The following PIK3R6 variants were observed in gnomAD, a reference collection of about 807,000 sequenced individuals.
The protein encoded by PIK3R6 is phosphoinositide-3-kinase regulatory subunit 6.
PIK3R6 carries 91 observed loss-of-function variants against 84.9 expected under a neutral mutation model. The observed-to-expected ratio is 1.07, with a 90% CI of 0.90 to 1.28. PIK3R6 has a LOEUF of 1.28. Ranked by LOEUF, PIK3R6 falls within the 50% of genes most tolerant of loss-of-function variation. The probability of loss-of-function intolerance (pLI) is 0.00; values close to 1 mark genes in which losing one functional copy is unlikely to be tolerated. For synonymous variants in PIK3R6, 416 were observed against 411.4 expected (o/e 1.01, Z -0.13); for missense variants, 996 against 985.1 (o/e 1.01, Z -0.15).
In PIK3R6 at chr17:8,823,582, C is replaced by G. The variant is rs192530188; in HGVS notation, c.1516-85G>C. Reference sequence around the variant, plus strand: ...ATTTTCTTCAGAGAGAAACTTCAAGCCCCTACATCTCTGGGATGCACTAAC... The same window carrying G: ...ATTTTCTTCAGAGAGAAACTTCAAGGCCCTACATCTCTGGGATGCACTAAC... On this transcript the variant is annotated intron_variant, in intron 13 of 19. Coordinates refer to ENST00000619866, the MANE Select transcript of PIK3R6 (RefSeq NM_001010855.4). The G allele has an allele frequency of 6.4e-4, 589 of 915,728 alleles. 2 individuals are homozygous for G. In the African/African-American group the frequency reaches 8.7e-3, roughly 13 times the overall value. 56.7% of individuals were successfully genotyped at this position (915,728 alleles called of 1,614,324 possible). A position where few individuals can be genotyped will look rare whatever the true frequency, so the allele number is the denominator to read the frequency against.
intron 9 of PIK3R6, among the ~76,000 whole-genome samples, chr17:8,831,328 TAAAA>T (rs60650147): frequency 1.8e-4 from 6 of 33,076 alleles, no homozygotes; most frequent in South Asian, 1.9e-3. Context: ...AGACCCTGTC[TAAAA>T]AAAAAAAAAA....
chr17:8,826,717 C>G (rs112368842), intron 13 of PIK3R6, among the ~76,000 whole-genome samples: 3,526 of 152,096 alleles, frequency 0.023, 152 homozygotes, highest in African/African-American at 0.081. Context: ...ATGGGTGCAG[C>G]AAACCACCAT....
At chr17:8,864,798 A>G (rs1005381097) in intron 1 of PIK3R6, among the ~76,000 whole-genome samples, 2 of 152,014 alleles carry the variant, frequency 1.3e-5, no homozygotes, top group African/African-American at 4.8e-5. Context: ...CGGCCTCCCA[A>G]AGTGCTGGGA....
At chr17:8,856,671 CCT>C (rs2089149209) in intron 1 of PIK3R6, among the ~76,000 whole-genome samples, 1 of 152,176 alleles carries the variant, frequency 6.6e-6, no homozygotes, top group Non-Finnish European at 1.5e-5. Context: ...CCCAGTTTCA[CCT>C]GTACTTGTGT....
At position 8,822,596 on chromosome 17, in the gene PIK3R6, G is replaced by A. The variant is rs1431953341; in HGVS notation, c.1779C>T (p.Cys593=). 9.3e-6 allele frequency: 15 copies of A among 1,614,006 alleles called. No individual in the cohort carries two copies. The highest frequency in any genetic ancestry group is 1.2e-5 in the Non-Finnish European group (14 of 1,179,872). The part of the protein sequence containing the change: ...AEGPGAELSL[C]YQKALLSHRP... The stretch of plus-strand genomic sequence containing the variant: ...GTCCATGCACACTGACCTTCTGGTA[G>A]CATAGGGAGAGCTCTGCCCCTGGGC... The change falls in exon 16 of 20, where the codon TGC becomes TGT. Residue 593 remains cysteine, a synonymous_variant. Transcript: ENST00000619866.
chr17:8,815,813 G>A (rs772820427), intron 18 of PIK3R6, among the ~76,000 whole-genome samples: 4 of 152,184 alleles, frequency 2.6e-5, no homozygotes, highest in African/African-American at 4.8e-5. Flanking sequence ...AAAAAAGCCC[G>A]TCTGCTTTGG....
chr17:8,804,191 G>C, intron 18 of PIK3R6, 38 bp from the exon 19 acceptor site: 1 of 1,555,624 alleles, frequency 6.4e-7, no homozygotes, highest in Non-Finnish European at 8.9e-7. Context: ...TGTTGCCTTT[G>C]CTCGACAGGT....
At chr17:8,833,155 C>T (rs1325976916) in intron 8 of PIK3R6, 110 bp from the exon 9 acceptor site, 5 of 1,382,290 alleles carry the variant, frequency 3.6e-6, no homozygotes, top group Non-Finnish European at 4.8e-6. Flanking sequence ...CTCTCCGCTG[C>T]CCCTGGGGGC....
intron 9 of PIK3R6, among the ~76,000 whole-genome samples, 177 bp from the exon 10 acceptor site, chr17:8,829,969 C>T (rs191710501): frequency 8.5e-5 from 13 of 152,346 alleles, no homozygotes; most frequent in African/African-American, 3.1e-4. Context: ...CCCAACAGTG[C>T]AGCTGTCCCC....
intron 10 of PIK3R6, among the ~76,000 whole-genome samples, chr17:8,829,373 GAT>G (rs1232180838): frequency 3.0e-5 from 4 of 135,088 alleles, no homozygotes; most frequent in Non-Finnish European, 4.6e-5. Context: ...CACATGCATG[GAT>G]ACACACACTG....
At chr17:8,832,564 T>TTTTTTTA (rs2088283089) in intron 9 of PIK3R6, among the ~76,000 whole-genome samples, 1 of 150,366 alleles carries the variant, frequency 6.7e-6, no homozygotes. Flanking sequence ...TTTTTTTTTT[T>TTTTTTTA]GAGACTAAAC....
At chr17:8,864,650 G>A (rs992786040) in intron 1 of PIK3R6, among the ~76,000 whole-genome samples, 4 of 144,436 alleles carry the variant, frequency 2.8e-5, no homozygotes, top group African/African-American at 1.0e-4. Context: ...TGATTCTCCA[G>A]CCTCAGCCTC....
chr17:8,822,093 T>C (rs2087754835), intron 16 of PIK3R6, among the ~76,000 whole-genome samples, 157 bp from the exon 17 acceptor site: 1 of 150,974 alleles, frequency 6.6e-6, no homozygotes, highest in Admixed American at 6.6e-5. Flanking sequence ...TTTCACTATG[T>C]TGCCCAGGCT....
intron 10 of PIK3R6, 33 bp downstream of exon 10, chr17:8,829,673 C>A (rs1340160132): frequency 6.5e-7 from 1 of 1,536,650 alleles, no homozygotes; most frequent in Non-Finnish European, 8.8e-7. Context: ...CAGACATATA[C>A]CACTGTTTCC....
intron 12 of PIK3R6, 114 bp downstream of exon 12, chr17:8,827,998 G>T: frequency 9.0e-7 from 1 of 1,108,426 alleles, no homozygotes; most frequent in Non-Finnish European, 1.3e-6. Flanking sequence ...CACATTCTAA[G>T]GATGCTTACT....
chr17:8,831,145 C>CAAAAAA (rs35954175), intron 9 of PIK3R6, among the ~76,000 whole-genome samples: 2 of 42,012 alleles, frequency 4.8e-5, no homozygotes, highest in Non-Finnish European at 8.4e-5. Context: ...GATTGTGTCT[C>CAAAAAA]AAAAAAAAAA....
chr17:8,836,449 A>G, intron 7 of PIK3R6, 98 bp downstream of exon 7: 1 of 1,334,084 alleles, frequency 7.5e-7, no homozygotes, highest in Non-Finnish European at 1.1e-6. Context: ...GGCTCTTCTT[A>G]ATCCAGCCTC....
In PIK3R6 at chr17:8,821,896, A is replaced by G; in HGVS notation, c.1829T>C (p.Leu610Pro). 6.3e-7 allele frequency: 1 copy of G among 1,595,674 alleles called. No homozygotes were observed. The highest frequency in any genetic ancestry group is 1.1e-5 in the South Asian group (1 of 87,758). The change falls in exon 17 of 20, where the codon CTG becomes CCG. Residue 610 changes from leucine (L) to proline (P), a missense_variant. Transcript: ENST00000619866. ...CTTCAGGATCAGCCCAGTGGCCCGCAGGGAAACGGTGACCTCTCGGGGCCG... is the reference window on the plus strand; with the variant it reads ...CTTCAGGATCAGCCCAGTGGCCCGCGGGGAAACGGTGACCTCTCGGGGCCG... ...SHRPREVTVS[L>P]RATGLILKAI...
chr17:8,825,257 T>C (rs1466199155), intron 13 of PIK3R6, among the ~76,000 whole-genome samples: 1 of 152,208 alleles, frequency 6.6e-6, no homozygotes, highest in East Asian at 1.9e-4. Context: ...CGAAAGATGC[T>C]AATTCTCCCC....
Sources: gnomAD v4.1 joint callset for allele counts (sites outside exome capture counted in the v4.1 genomes callset) on GRCh38, gnomAD v4.1.1 for gene constraint, MANE v1.5 for transcripts, NCBI Gene and HGNC (gene_info 2026-07-23, HGNC 2026-07-21) for gene names.